Variants in FRMD8 observed in about 807,000 individuals in gnomAD.
FRMD8 encodes FERM domain-containing protein 8.
Under a neutral mutation model 54.2 loss-of-function variants are expected in FRMD8, and 37 were observed. That is an observed-to-expected ratio of 0.68 (90% CI 0.53 to 0.90). FRMD8 has a LOEUF of 0.90. FRMD8 is among the 40% of genes least tolerant of loss of function. The pLI is 0.00. For missense variants in FRMD8, 585 were observed against 653.7 expected, an observed-to-expected ratio of 0.89 and a Z score of 1.15; for synonymous variants, 246 against 286.9, an observed-to-expected ratio of 0.86 and a Z score of 1.44.
intron 7 of FRMD8, among the ~76,000 whole-genome samples, chr11:65,397,910 C>T (rs1238407654): frequency 7.2e-6 from 1 of 138,388 alleles, no homozygotes; most frequent in African/African-American, 2.7e-5. Flanking sequence ...GAGTATCGCT[C>T]TTGTTGCCAG....
the FRMD8 span, among the ~76,000 whole-genome samples, chr11:65,369,630 T>C: frequency 6.6e-6 from 1 of 151,826 alleles, no homozygotes; most frequent in African/African-American, 2.4e-5. Flanking sequence ...TTGAGGAGGC[T>C]GAGACAGGAG....
chr11:65,390,591 C>G (rs769002772), intron 3 of FRMD8, among the ~76,000 whole-genome samples: 1 of 151,734 alleles, frequency 6.6e-6, no homozygotes, highest in Non-Finnish European at 1.5e-5. Context: ...GCTTCCTGCT[C>G]AGCTGCTGCT....
Position 65,411,260 on chromosome 11 carries a change from T to G in FRMD8, c.1295T>G (p.Val432Gly). 2 of 1,608,154 alleles carry G rather than the reference T, an allele frequency of 1.2e-6. No homozygotes were observed. The highest frequency in any genetic ancestry group is 1.7e-6 in the Non-Finnish European group (2 of 1,178,350). ...CTCGCAGGCAAGGGGATCAGGCGAG[T>G]GAAGCCGAAGCGCACCACATCCTTC... is the stretch of plus-strand genomic sequence containing the variant. ...YVEDGKGIRR[V>G]KPKRTTSFFS... Residue 432 changes from valine (V) to glycine (G), a missense_variant, in exon 11 of 11, where the codon GTG becomes GGG. Transcript: ENST00000317568.
intron 6 of FRMD8, among the ~76,000 whole-genome samples, chr11:65,396,023 T>C (rs1855946614): frequency 6.6e-6 from 1 of 152,034 alleles, no homozygotes; most frequent in African/African-American, 2.4e-5. Context: ...CAGGTGGGGG[T>C]CAGGGACCTC....
chr11:65,399,683 C>G, intron 7 of FRMD8, 53 bp from the exon 8 acceptor site: 1 of 1,599,572 alleles, frequency 6.3e-7, no homozygotes, highest in Non-Finnish European at 8.5e-7. Flanking sequence ...CTCGAGCAGC[C>G]TCCCTCAGCA....
In FRMD8 at chr11:65,399,541, G is replaced by A. The variant is rs141078412; in HGVS notation, c.804-195G>A. 1.9e-3 allele frequency among the ~76,000 whole-genome samples: 287 copies of A among 152,238 alleles called. 1 individual carries two copies. Among genetic ancestry groups the A allele is most frequent in the African/African-American group, 6.3e-3 (263 of 41,534 alleles). ...TGTGCCATCAGGCCCTTCTCCCTCC[G>A]GTCGCACACTGCCAGCTCAGATGCT... On this transcript the variant is annotated intron_variant, in intron 7 of 10. Transcript: ENST00000317568.
the FRMD8 span, chr11:65,377,088 G>A: frequency 2.5e-6 from 4 of 1,609,646 alleles, no homozygotes; most frequent in Non-Finnish European, 3.4e-6. Flanking sequence ...TGTTGGTGAT[G>A]AAACATGAGG....
In FRMD8 at chr11:65,398,116, T is replaced by C. The variant is rs372636963; in HGVS notation, c.803+1096T>C. Reference sequence around the variant, plus strand: ...ATCTTGAACTCCTCACCTCAGGTGATCCGCCTGCCTCAGCCTCCCAAAGTG... The same window carrying C: ...ATCTTGAACTCCTCACCTCAGGTGACCCGCCTGCCTCAGCCTCCCAAAGTG... On this transcript the variant is annotated intron_variant, in intron 7 of 10. Transcript: ENST00000317568. Among the ~76,000 whole-genome samples the C allele has an allele frequency of 5.6e-3, 847 of 152,230 alleles. 10 individuals carry two copies. The highest frequency in any genetic ancestry group is 0.019 in the African/African-American group (807 of 41,526).
Position 65,404,348 on chromosome 11 carries a change from C to A in FRMD8, c.1072-516C>A, listed in dbSNP as rs550920629. ...GTGCCCAGCTGTGCCCGCTGGCACC[C>A]GGCTGCTGCATCTTTTCTGTCAGTG... On this transcript the variant is annotated intron_variant, in intron 9 of 10. Transcript: ENST00000317568. This position sits in a 1 kb window ranked among gnomAD's most constrained non-coding sequence, Gnocchi z 4.7. Among the ~76,000 whole-genome samples the A allele has an allele frequency of 6.6e-6, 1 of 152,304 alleles. No homozygotes were observed. The highest frequency in any genetic ancestry group is 6.5e-5 in the Admixed American group (1 of 15,300).
chr11:65,407,338 G>A (rs1339033004), intron 10 of FRMD8, among the ~76,000 whole-genome samples: 4 of 151,546 alleles, frequency 2.6e-5, no homozygotes, highest in African/African-American at 9.7e-5. Context: ...TGCAACCTCC[G>A]CACCCTGGGT....
In FRMD8 at chr11:65,399,832, CG is replaced by C; in HGVS notation, c.901del (p.Val301CysfsTer60). 1 of 1,613,928 alleles carries C rather than the reference CG, an allele frequency of 6.2e-7. No homozygotes were observed. The highest frequency in any genetic ancestry group is 8.5e-7 in the Non-Finnish European group (1 of 1,179,898). ...TTTCTGTGGCCATCAGTCTGGAAGGCGTGCACGTCATCGATAGCAGAGAGAA... is the reference window on the plus strand; with the variant it reads ...TTTCTGTGGCCATCAGTCTGGAAGGCTGCACGTCATCGATAGCAGAGAGAA... ...PVSVAISLEG[V>X]HVIDSREKHV... On this transcript the variant is annotated frameshift_variant, in exon 8 of 11. Coordinates refer to ENST00000317568, the MANE Select transcript of FRMD8 (RefSeq NM_031904.5). LOFTEE classifies it high-confidence loss of function.
intron 3 of FRMD8, among the ~76,000 whole-genome samples, chr11:65,391,155 CCTT>C (rs1281784989): frequency 6.6e-6 from 1 of 152,266 alleles, no homozygotes; most frequent in African/African-American, 2.4e-5. Context: ...CAGGGCTTAG[CCTT>C]CTCAATGTCG....
chr11:65,391,848 G>A (rs1449040851), intron 3 of FRMD8, among the ~76,000 whole-genome samples: 1 of 152,156 alleles, frequency 6.6e-6, no homozygotes, highest in Non-Finnish European at 1.5e-5. Flanking sequence ...TGGTAAAGGG[G>A]GGTTTAGGAA....
In FRMD8 at chr11:65,413,439, C is replaced by T. The variant is rs1856380906; in HGVS notation, c.*2079C>T. The T allele has an allele frequency of 6.6e-6, 1 of 152,190 alleles. No homozygotes were observed. Among genetic ancestry groups the T allele is most frequent in the South Asian group, 2.1e-4 (1 of 4,828 alleles). 9.4% of individuals were successfully genotyped at this position (152,190 alleles called of 1,614,324 possible). On this transcript the variant is annotated 3_prime_UTR_variant, in exon 11 of 11. Coordinates refer to ENST00000317568, the MANE Select transcript of FRMD8 (RefSeq NM_031904.5). ...TGTGCCTTAACATTTTCTGCTTGTC[C>T]TTTGGGACAAAGCAGTATTTTACTC...
chr11:65,406,965 A>AAAT (rs1471677805), intron 10 of FRMD8, among the ~76,000 whole-genome samples: 17 of 151,916 alleles, frequency 1.1e-4, no homozygotes, highest in African/African-American at 3.9e-4. Context: ...ATAAATAAAT[A>AAAT]ATAAAAAGGA....
chr11:65,396,520 G>A (rs1055108349), intron 6 of FRMD8, among the ~76,000 whole-genome samples: 6 of 152,196 alleles, frequency 3.9e-5, no homozygotes, highest in Non-Finnish European at 7.4e-5. Flanking sequence ...ACTCTGCAAA[G>A]GAAGCAGGCG....
In FRMD8 at chr11:65,400,910, C is replaced by G; in HGVS notation, c.1071+43C>G. ...TGCACACGGGTGGGGAGGCTGGGCC[C>G]AGGTGCCCTGGGTCCCAGACAATTA... On this transcript the variant is annotated intron_variant, in intron 9 of 10. Coordinates refer to ENST00000317568, the MANE Select transcript of FRMD8 (RefSeq NM_031904.5). This position sits in a 1 kb window ranked among gnomAD's most constrained non-coding sequence, Gnocchi z 4.3. The G allele has an allele frequency of 6.5e-7, 1 of 1,548,258 alleles. No homozygotes were observed. The highest frequency in any genetic ancestry group is 8.7e-7 in the Non-Finnish European group (1 of 1,146,712).
chr11:65,390,467 G>A (rs905124196), intron 3 of FRMD8, among the ~76,000 whole-genome samples: 1 of 152,100 alleles, frequency 6.6e-6, no homozygotes, highest in Non-Finnish European at 1.5e-5. Flanking sequence ...GGTCCAAGGG[G>A]CCCCCAGCAG....
At chr11:65,377,277 G>A in the FRMD8 span, 8 of 1,415,204 alleles carry the variant, frequency 5.7e-6, no homozygotes, top group African/African-American at 8.7e-5. Context: ...CACCTCCCTT[G>A]GCATCAGGCC....
Sources: allele counts gnomAD v4.1 joint callset (sites outside exome capture counted in the v4.1 genomes callset), GRCh38; gene constraint gnomAD v4.1.1; non-coding constraint Gnocchi (gnomAD v3.1); transcripts MANE v1.5; gene names NCBI Gene and HGNC (gene_info 2026-07-23, HGNC 2026-07-21).